The following TBC1D5 variants were observed in gnomAD, a reference collection of about 807,000 sequenced individuals.
TBC1D5 encodes TBC1 domain family member 5, also known as TBC1 domain family, member 5.
A neutral mutation model predicts 100.3 loss-of-function variants in TBC1D5; 75 were observed. The ratio of observed to expected loss-of-function variants is 0.75; its 90% CI spans 0.62 to 0.91. The LOEUF is 0.91. Among genes scored for constraint, TBC1D5 ranks in the 40% least tolerant of loss-of-function variants. TBC1D5 has a pLI of 0.00. For synonymous variants in TBC1D5, 323 were observed against 325.6 expected (o/e 0.99, Z 0.09); for missense variants, 910 against 942.4 (o/e 0.97, Z 0.45).
intron 2 of TBC1D5, among the ~76,000 whole-genome samples, chr3:17,516,760 C>T (rs1035937333): frequency 7.2e-5 from 11 of 152,170 alleles, no homozygotes; most frequent in African/African-American, 2.7e-4. Flanking sequence ...AAATGTGGTT[C>T]ATGCTACTGG....
chr3:17,411,264 C>T (rs1464668701), intron 4 of TBC1D5, among the ~76,000 whole-genome samples: 1 of 151,748 alleles, frequency 6.6e-6, no homozygotes, highest in African/African-American at 2.4e-5. Context: ...TAGATATATG[C>T]TATTGCATAC....
At chr3:17,531,317 G>A (rs1026439237) in intron 2 of TBC1D5, among the ~76,000 whole-genome samples, 1 of 152,108 alleles carries the variant, frequency 6.6e-6, no homozygotes, top group Admixed American at 6.5e-5. Context: ...ACAAACCACT[G>A]CTCAAGGAAA....
chr3:17,375,153 T>C (rs1157522503), intron 10 of TBC1D5, among the ~76,000 whole-genome samples: 1 of 152,170 alleles, frequency 6.6e-6, no homozygotes, highest in Non-Finnish European at 1.5e-5. Context: ...TTGAATCAGC[T>C]GAAGAAGCAG....
At chr3:17,287,599 G>A (rs1056757624) in intron 15 of TBC1D5, among the ~76,000 whole-genome samples, 5 of 152,208 alleles carry the variant, frequency 3.3e-5, no homozygotes, top group African/African-American at 1.2e-4. Flanking sequence ...AAGATAACCT[G>A]CTCTGCCTAC....
intron 3 of TBC1D5, among the ~76,000 whole-genome samples, chr3:17,479,087 A>T (rs932708568): frequency 1.3e-5 from 2 of 152,208 alleles, no homozygotes; most frequent in African/African-American, 4.8e-5. Context: ...TTAATCACTG[A>T]GCTAGATATA....
intron 1 of TBC1D5, among the ~76,000 whole-genome samples, chr3:17,699,214 T>C (rs1291715661): frequency 9.1e-6 from 1 of 110,018 alleles, no homozygotes. Flanking sequence ...TATGCAGCCA[T>C]AAAAAATGAT....
chr3:17,415,514 G>T (rs776507169), intron 4 of TBC1D5, among the ~76,000 whole-genome samples: 2 of 152,062 alleles, frequency 1.3e-5, no homozygotes, highest in Non-Finnish European at 2.9e-5. Context: ...AATACAGTGT[G>T]TAAGAGCTTC....
chr3:17,376,537 G>C lies in TBC1D5; in HGVS notation c.689C>G (p.Ser230Cys), dbSNP rs2092716415. The C allele has an allele frequency of 2.5e-6, 4 of 1,612,544 alleles. No individual in the cohort carries two copies. The highest frequency in any genetic ancestry group is 3.4e-6 in the Non-Finnish European group (4 of 1,179,242). The change falls in exon 10 of 22, where the codon TCT (serine) becomes TGT (cysteine). Residue 230 changes from serine to cysteine, a missense_variant. Transcript: ENST00000253692. ...AAAAAAAACTTGCCTGGGCTGTGCA[G>C]ACTCACTGGCATGTAGAAAAGCTTG...
At chr3:17,611,477 GAAGA>G (rs2061664711) in intron 2 of TBC1D5, among the ~76,000 whole-genome samples, 1 of 152,170 alleles carries the variant, frequency 6.6e-6, no homozygotes, top group Non-Finnish European at 1.5e-5. Flanking sequence ...AGAAGACTAA[GAAGA>G]AATAACCTGA....
intron 18 of TBC1D5, among the ~76,000 whole-genome samples, chr3:17,212,027 T>C (rs991072154): frequency 6.6e-6 from 1 of 152,212 alleles, no homozygotes; most frequent in Non-Finnish European, 1.5e-5. Context: ...GTCACACAGA[T>C]AGAGAACATG....
At chr3:17,716,182 C>T (rs577838446) in intron 1 of TBC1D5, among the ~76,000 whole-genome samples, 25 of 152,254 alleles carry the variant, frequency 1.6e-4, no homozygotes, top group Middle Eastern at 3.4e-3. Flanking sequence ...ATGTCCACCA[C>T]TCCTCTATTG....
chr3:17,439,859 A>G (rs560410855), intron 3 of TBC1D5, among the ~76,000 whole-genome samples: 4 of 152,366 alleles, frequency 2.6e-5, no homozygotes, highest in South Asian at 2.1e-4. Context: ...TATTAAAAAT[A>G]TCATTCAAAG....
intron 18 of TBC1D5, among the ~76,000 whole-genome samples, chr3:17,205,711 T>C (rs1221452321): frequency 6.6e-6 from 1 of 151,996 alleles, no homozygotes; most frequent in Non-Finnish European, 1.5e-5. Context: ...TTCTGGTCAG[T>C]GATATGGGAA....
At chr3:17,197,351 C>T (rs1198481624) in intron 18 of TBC1D5, among the ~76,000 whole-genome samples, 1 of 152,060 alleles carries the variant, frequency 6.6e-6, no homozygotes, top group Non-Finnish European at 1.5e-5. Flanking sequence ...CCAATTTTCC[C>T]CACAAGCCCT....
intron 16 of TBC1D5, among the ~76,000 whole-genome samples, chr3:17,254,868 A>G (rs1365472322): frequency 6.6e-6 from 1 of 151,674 alleles, no homozygotes; most frequent in Non-Finnish European, 1.5e-5. Flanking sequence ...AAAAGGTTGG[A>G]GTCAAAGAGA....
intron 3 of TBC1D5, among the ~76,000 whole-genome samples, chr3:17,503,972 T>C (rs551366585): frequency 6.7e-6 from 1 of 149,420 alleles, no homozygotes; most frequent in East Asian, 1.9e-4. Flanking sequence ...AAGTGAATTT[T>C]AGGAGAAACT....
At chr3:17,549,240 G>A (rs550987846) in intron 2 of TBC1D5, among the ~76,000 whole-genome samples, 22 of 152,292 alleles carry the variant, frequency 1.4e-4, no homozygotes, top group African/African-American at 4.8e-4. Context: ...GGCAGAGGTC[G>A]CAGTGAGCCA....
intron 17 of TBC1D5, among the ~76,000 whole-genome samples, chr3:17,216,934 A>C (rs2073713141): frequency 6.6e-6 from 1 of 152,180 alleles, no homozygotes; most frequent in Non-Finnish European, 1.5e-5. Flanking sequence ...TGTTTTTTAC[A>C]GTACACTTAC....
At chr3:17,167,554 G>A (rs1029188502) in intron 20 of TBC1D5, among the ~76,000 whole-genome samples, 195 bp downstream of exon 21, 1 of 152,210 alleles carries the variant, frequency 6.6e-6, no homozygotes, top group African/African-American at 2.4e-5. Context: ...AAACCAGCGT[G>A]GGTCGCAAGC....
Sources: gnomAD v4.1 joint callset for allele counts (sites outside exome capture counted in the v4.1 genomes callset) on GRCh38, gnomAD v4.1.1 for gene constraint, MANE v1.5 for transcripts, NCBI Gene and HGNC (gene_info 2026-07-23, HGNC 2026-07-21) for gene names.